Variants in ADAMDEC1 observed in about 807,000 individuals in gnomAD.
ADAMDEC1 encodes the protein ADAM like decysin 1, also known as ADAM DEC1.
ADAMDEC1 carries 62 observed loss-of-function variants against 60.4 expected under a neutral mutation model. The observed-to-expected ratio is 1.03, with a 90% CI of 0.84 to 1.27. The LOEUF is 1.27. ADAMDEC1 is among the 50% of genes most tolerant of loss of function. The pLI, the probability that ADAMDEC1 is intolerant of heterozygous loss-of-function variation, is 0.00. For synonymous variants in ADAMDEC1, 210 were observed against 195.1 expected (o/e 1.08, Z -0.64); for missense variants, 595 against 565.0 (o/e 1.05, Z -0.54).
Position 24,402,025 on chromosome 8 carries a change from T to A in ADAMDEC1, c.1253T>A (p.Met418Lys). Residue 418 changes from methionine (M) to lysine (K), a missense_variant, in exon 12 of 14, where the codon ATG becomes AAG. Transcript: ENST00000256412. ...CAAGCACCTATTCCTACAAATATAA[T>A]GACAACACCAGTGTGTGGGAACCAC... ...LLQAPIPTNI[M>K]TTPVCGNHLL... 1 of 1,613,372 alleles carries A rather than the reference T, an allele frequency of 6.2e-7. No homozygotes were observed. Among genetic ancestry groups the A allele is most frequent in the Non-Finnish European group, 8.5e-7 (1 of 1,179,482 alleles).
intron 12 of ADAMDEC1, among the ~76,000 whole-genome samples, chr8:24,403,568 C>G (rs1817817647): frequency 1.3e-5 from 2 of 151,998 alleles, no homozygotes; most frequent in African/African-American, 4.8e-5. Context: ...TTGAAGGGCA[C>G]TGATATTTTT....
chr8:24,384,848 T>A (rs919968665), intron 1 of ADAMDEC1, among the ~76,000 whole-genome samples: 1 of 152,208 alleles, frequency 6.6e-6, no homozygotes, highest in African/African-American at 2.4e-5. Context: ...AATTGTTATA[T>A]ATTTTAACAA....
intron 1 of ADAMDEC1, 95 bp from the exon 2 acceptor site, chr8:24,392,167 C>T (rs1219361408): frequency 1.2e-6 from 1 of 833,836 alleles, no homozygotes; most frequent in East Asian, 2.5e-5. Flanking sequence ...GTCTTCACTG[C>T]TCTTTCAGCA....
chr8:24,395,641 T>C, intron 4 of ADAMDEC1, 79 bp from the exon 5 acceptor site: 1 of 933,324 alleles, frequency 1.1e-6, no homozygotes. Context: ...TGTATTCTCA[T>C]AGTTTATACA....
In ADAMDEC1 at chr8:24,404,082, A is replaced by G. The variant is rs1817831034; in HGVS notation, c.1400A>G (p.His467Arg). The G allele has an allele frequency of 5.6e-6, 9 of 1,613,330 alleles. No homozygotes were observed. The highest frequency in any genetic ancestry group is 3.3e-5 in the South Asian group (3 of 91,010). ...GATTGCGGAGGAGATGCTCCAAACCATACCACGTAAGACCTTTTGTTTTCT... is the reference window on the plus strand; with the variant it reads ...GATTGCGGAGGAGATGCTCCAAACCGTACCACGTAAGACCTTTTGTTTTCT... ...GTDCGGDAPN[H>R]TTE Residue 467 changes from histidine to arginine, a missense_variant, in exon 13 of 14, where the codon CAT (histidine) becomes CGT (arginine). Transcript: ENST00000256412.
chr8:24,386,406 A>G (rs1210715573), intron 1 of ADAMDEC1, among the ~76,000 whole-genome samples: 1 of 152,224 alleles, frequency 6.6e-6, no homozygotes. Context: ...ACTGCTAAGC[A>G]AAATGAACTT....
At chr8:24,387,586 T>C (rs1414367636) in intron 1 of ADAMDEC1, 3 of 152,168 alleles carry the variant, frequency 2.0e-5, no homozygotes, top group African/African-American at 7.2e-5. Context: ...TTGCATAAGG[T>C]CCCTTAATTG....
At chr8:24,394,898 G>A (rs1817566357) in intron 4 of ADAMDEC1, among the ~76,000 whole-genome samples, 1 of 152,184 alleles carries the variant, frequency 6.6e-6, no homozygotes, top group African/African-American at 2.4e-5. Flanking sequence ...ATACATTAAT[G>A]AGGAATCTTC....
At chr8:24,387,742 A>G (rs1817330933) in intron 1 of ADAMDEC1, 2 of 152,290 alleles carry the variant, frequency 1.3e-5, no homozygotes, top group African/African-American at 4.8e-5. Context: ...GCAGGCACCA[A>G]TTACTTACTG....
At chr8:24,400,005 A>G (rs1049412585) in intron 10 of ADAMDEC1, among the ~76,000 whole-genome samples, 165 bp from the exon 11 acceptor site, 14 of 152,250 alleles carry the variant, frequency 9.2e-5, no homozygotes, top group Non-Finnish European at 1.8e-4. Flanking sequence ...AAGTATTCAT[A>G]GGACCCAACC....
At chr8:24,400,804 A>G (rs1306250388) in intron 11 of ADAMDEC1, among the ~76,000 whole-genome samples, 1 of 90,520 alleles carries the variant, frequency 1.1e-5, no homozygotes, top group Non-Finnish European at 2.0e-5. Context: ...CACCCACAAC[A>G]GGCCCCAGTG....
rs1052353207 is a variant in ADAMDEC1, at chr8:24,385,916, C to A, written c.88+1324C>A. 2.8e-4 allele frequency among the ~76,000 whole-genome samples: 42 copies of A among 149,750 alleles called. 1 individual carries two copies. Among genetic ancestry groups the A allele is most frequent in the Admixed American group, 2.8e-3 (41 of 14,840 alleles). ...TTGTACCTAAAGAGAAGTCAAACAA[C>A]ATGTAATGAAATAGAACTTGATTGA... On this transcript the variant is annotated intron_variant, in intron 1 of 13. Transcript: ENST00000256412.
intron 10 of ADAMDEC1, among the ~76,000 whole-genome samples, 197 bp downstream of exon 10, chr8:24,399,671 A>T (rs1817712022): frequency 1.3e-5 from 2 of 152,170 alleles, no homozygotes; most frequent in African/African-American, 4.8e-5. Flanking sequence ...GCCTTGCTAG[A>T]ACGTGCCATA....
chr8:24,401,280 T>A (rs559475833), intron 11 of ADAMDEC1, among the ~76,000 whole-genome samples: 12 of 152,252 alleles, frequency 7.9e-5, no homozygotes, highest in Admixed American at 7.9e-4. Context: ...TAATTTTAAC[T>A]TAAAATAATT....
rs1817875994 is a variant in ADAMDEC1 at position 24,405,854 on chromosome 8, T to A, written c.*556T>A. On this transcript the variant is annotated 3_prime_UTR_variant, in exon 14 of 14. Coordinates refer to ENST00000256412, the MANE Select transcript of ADAMDEC1 (RefSeq NM_014479.3). The stretch of plus-strand genomic sequence containing the variant: ...GTCAAGAATGATTCAATGTAAATAT[T>A]TTTCATTTTATCATGTATATCCTAT... 1 of 152,448 alleles carries A rather than the reference T, an allele frequency of 6.6e-6. No homozygotes were observed. The highest frequency in any genetic ancestry group is 1.5e-5 in the Non-Finnish European group (1 of 68,254). The allele number at this position is 152,448 out of a possible 1,614,324, so 9.4% of individuals were successfully genotyped here. A position where few individuals can be genotyped will look rare whatever the true frequency, so the allele number is the denominator to read the frequency against.
At chr8:24,396,566 GTAAT>G (rs1425553931) in intron 5 of ADAMDEC1, among the ~76,000 whole-genome samples, 1 of 151,732 alleles carries the variant, frequency 6.6e-6, no homozygotes, top group African/African-American at 2.4e-5. Flanking sequence ...TGACCTCTGA[GTAAT>G]CACTGTTATT....
chr8:24,386,926 C>T (rs1193789634), intron 1 of ADAMDEC1, among the ~76,000 whole-genome samples: 1 of 152,096 alleles, frequency 6.6e-6, no homozygotes, highest in African/African-American at 2.4e-5. Context: ...TTTTGCCAGG[C>T]CAATTGATTC....
chr8:24,392,646 G>A (rs1817475028), intron 2 of ADAMDEC1, among the ~76,000 whole-genome samples: 1 of 152,162 alleles, frequency 6.6e-6, no homozygotes, highest in African/African-American at 2.4e-5. Context: ...GAGGAGAGAA[G>A]CCCGGGAAGG....
At position 24,401,986 on chromosome 8, in the gene ADAMDEC1, C is replaced by T; in HGVS notation, c.1214C>T (p.Pro405Leu). 1 of 1,613,322 alleles carries T rather than the reference C, an allele frequency of 6.2e-7. No homozygotes were observed. Among genetic ancestry groups the T allele is most frequent in the Non-Finnish European group, 8.5e-7 (1 of 1,179,516 alleles). ...HFERYLLSQK[P>L]KCLLQAPIPT... Reference sequence around the variant, plus strand: ...GAAAGATACCTTTTATCTCAGAAACCAAAGTGCCTGCTGCAAGCACCTATT... The same window carrying T: ...GAAAGATACCTTTTATCTCAGAAACTAAAGTGCCTGCTGCAAGCACCTATT... The change falls in exon 12 of 14, where the codon CCA (proline) becomes CTA (leucine). Residue 405 changes from proline to leucine, a missense_variant. By Grantham distance (98) the Pro-to-Leu change is moderately conservative. Transcript: ENST00000256412.
Sources: allele counts gnomAD v4.1 joint callset (sites outside exome capture counted in the v4.1 genomes callset), GRCh38; gene constraint gnomAD v4.1.1; transcripts MANE v1.5; gene names NCBI Gene and HGNC (gene_info 2026-07-23, HGNC 2026-07-21).